TAF1: variants seen among roughly 807,000 people sequenced by gnomAD.
The protein encoded by TAF1 is TATA-box binding protein associated factor 1, also known as transcription initiation factor TFIID subunit 1.
A neutral mutation model predicts 138.5 loss-of-function variants in TAF1; 2 were observed. The ratio of observed to expected loss-of-function variants is 0.01; its 90% CI spans 0.01 to 0.05. The LOEUF is 0.05. Ranked by LOEUF, TAF1 falls within the 10% of genes least tolerant of loss-of-function variation. The pLI, the probability that TAF1 is intolerant of heterozygous loss-of-function variation, is 1.00. For missense variants in TAF1, 709 were observed against 1,478.0 expected, an observed-to-expected ratio of 0.48 and a Z score of 8.53; for synonymous variants, 437 against 503.2, an observed-to-expected ratio of 0.87 and a Z score of 1.76.
chrX:71,443,314 G>C (rs1296413410), intron 32 of TAF1, among the ~76,000 whole-genome samples: 2 of 111,937 alleles, frequency 1.8e-5, no homozygotes, highest in Non-Finnish European at 3.8e-5. Context: ...TCTTCCATTT[G>C]TTTGTGTCCT....
intron 13 of TAF1, among the ~76,000 whole-genome samples, chrX:71,507,069 G>C (rs766209081): frequency 1.3e-4 from 15 of 112,056 alleles, no homozygotes; most frequent in Non-Finnish European, 2.4e-4. Flanking sequence ...CCTTGTGGGA[G>C]GGAGGACTGG....
chrX:71,436,214 ATTTT>A (rs749919538), intron 32 of TAF1, among the ~76,000 whole-genome samples: 1 of 84,292 alleles, frequency 1.2e-5, no homozygotes, highest in Admixed American at 1.3e-4. Flanking sequence ...AGCCCGGCTA[ATTTT>A]TTTTTTTTTT....
At chrX:71,367,928 T>A (rs747998981) in intron 2 of TAF1, 126 bp from the exon 3 acceptor site, 85 of 752,843 alleles carry the variant, frequency 1.1e-4, no homozygotes, top group Non-Finnish European at 1.6e-4. Flanking sequence ...GGCTTGGCCT[T>A]CCAAAGTGCT....
chrX:71,529,492 C>G, intron 14 of TAF1: 1 of 228,111 alleles, frequency 4.4e-6, no homozygotes, highest in Non-Finnish European at 8.1e-6. Context: ...CCCCACCCAA[C>G]CCAGAAGTCC....
intron 29 of TAF1, among the ~76,000 whole-genome samples, chrX:71,421,858 G>A (rs2036360577): frequency 8.9e-6 from 1 of 112,291 alleles, no homozygotes; most frequent in South Asian, 3.7e-4. Context: ...AAAAGTGTAA[G>A]TATGAAGTAG....
At chrX:71,379,106 T>A in intron 8 of TAF1, 75 bp downstream of exon 8, 1 of 129,246 alleles carries the variant, frequency 7.7e-6, no homozygotes, top group Non-Finnish European at 1.2e-5. Context: ...TCAGCTGTGA[T>A]TTTTTTTTTT....
chrX:71,530,304 C>T (rs1233617321), exon 15 of TAF1: 1 of 111,808 alleles, frequency 8.9e-6, no homozygotes, highest in African/African-American at 3.3e-5. Context: ...CCTGGAGAGC[C>T]TGTGCGGCTG....
At chrX:71,407,524 T>C in intron 26 of TAF1, 50 bp from the exon 27 acceptor site, 2 of 1,115,991 alleles carry the variant, frequency 1.8e-6, no homozygotes, top group East Asian at 6.0e-5. Context: ...GGACAGAATG[T>C]GGATTTTTTT....
rs2033905505 is a variant in TAF1 at position 71,381,765 on chromosome X, T to C, written c.1383T>C (p.Asp461=). 8.3e-7 allele frequency: 1 copy of C among 1,210,562 alleles called. No individual in the cohort carries two copies. The highest frequency in any genetic ancestry group is 1.1e-6 in the Non-Finnish European group (1 of 894,847). The change falls in exon 9 of 38, where the codon GAT becomes GAC. Residue 461 remains aspartate, a synonymous_variant. Coordinates refer to ENST00000423759, the MANE Select transcript of TAF1 (RefSeq NM_004606.5). ...TAGGTTTTGCAGCCACTCTTGATGA[T>C]GACAAACCTTGGTACTCCATTTTTC... ...VQQGFAATLD[D]DKPWYSIFPI...
intron 13 of TAF1, among the ~76,000 whole-genome samples, chrX:71,474,059 C>G (rs184153147): frequency 8.1e-5 from 9 of 110,568 alleles, no homozygotes; most frequent in Non-Finnish European, 1.3e-4. Context: ...GTATGAGAAT[C>G]GCTTGAAACC....
Position 71,441,575 on chromosome X carries a change from C to CAT in TAF1, c.4754-12594_4754-12593dup, listed in dbSNP as rs2037423838. 1.3e-5 allele frequency: 3 copies of CAT among 229,967 alleles called. No individual in the cohort carries two copies. The Admixed American group carries it at 2.0e-4, about 15-fold the overall frequency. The allele number at this position is 229,967 out of a possible 1,213,427, so 19.0% of individuals were successfully genotyped here. A position where few individuals can be genotyped will look rare whatever the true frequency, so the allele number is the denominator to read the frequency against. Reference sequence around the variant, plus strand: ...ATTTTTTTGTGTTGAGAATGTGCAACATCCTTCTAGCTATTTGAAACTATA... The same window carrying CAT: ...ATTTTTTTGTGTTGAGAATGTGCAACATATCCTTCTAGCTATTTGAAACTATA... On this transcript the variant is annotated intron_variant, in intron 32 of 37. Transcript: ENST00000423759.
intron 13 of TAF1, among the ~76,000 whole-genome samples, chrX:71,504,557 T>C (rs2039581390): frequency 9.3e-6 from 1 of 107,150 alleles, no homozygotes; most frequent in African/African-American, 3.4e-5. Context: ...AGTTGGCTGA[T>C]GTCAAAATGC....
intron 17 of TAF1, 152 bp from the exon 18 acceptor site, chrX:71,389,433 G>T: frequency 2.2e-6 from 1 of 458,913 alleles, no homozygotes; most frequent in South Asian, 3.5e-5. Flanking sequence ...ATAGCTTAAG[G>T]ATGTGCCGTG....
At chrX:71,491,896 A>G (rs1049806224) in intron 13 of TAF1, 2 of 110,665 alleles carry the variant, frequency 1.8e-5, no homozygotes, top group Non-Finnish European at 3.8e-5. Flanking sequence ...CGATCTCCTG[A>G]CCTCGTGATC....
At position 71,415,128 on chromosome X, in the gene TAF1, C is replaced by CTTTTTT. The variant is rs1158533765; in HGVS notation, c.4385-6157_4385-6152dup. On this transcript the variant is annotated intron_variant, in intron 28 of 37. Coordinates refer to ENST00000423759, the MANE Select transcript of TAF1 (RefSeq NM_004606.5). ...CTTTGTGAACTTGGGAAAGTTTTGT[C>CTTTTTT]TTTTTTTTTTTTTTTTTTTTTTTTT... is the stretch of plus-strand genomic sequence containing the variant. Among the ~76,000 whole-genome samples the CTTTTTT allele has an allele frequency of 1.9e-3, 98 of 51,622 alleles. 2 individuals are homozygous for CTTTTTT. Among genetic ancestry groups the CTTTTTT allele is most frequent in the African/African-American group, 5.8e-3 (73 of 12,528 alleles). The allele number at this position is 51,622 out of a possible 115,157, so 44.8% of individuals were successfully genotyped here. A position where few individuals can be genotyped will look rare whatever the true frequency, so the allele number is the denominator to read the frequency against.
intron 25 of TAF1, among the ~76,000 whole-genome samples, chrX:71,402,738 C>A (rs1242587594): frequency 2.7e-5 from 3 of 112,046 alleles, no homozygotes; most frequent in African/African-American, 9.7e-5. Flanking sequence ...CCTCTAAATT[C>A]ACTAATTGTT....
intron 13 of TAF1, among the ~76,000 whole-genome samples, chrX:71,524,295 G>T (rs1168623996): frequency 9.1e-6 from 1 of 110,487 alleles, no homozygotes; most frequent in African/African-American, 3.3e-5. Context: ...GCCTCCCAAA[G>T]TGCTGGGATG....
intron 23 of TAF1, among the ~76,000 whole-genome samples, chrX:71,398,045 C>T (rs1286402185): frequency 8.9e-6 from 1 of 111,770 alleles, no homozygotes; most frequent in Non-Finnish European, 1.9e-5. Flanking sequence ...TTGCAAAAAT[C>T]TTAGAGATTA....
At chrX:71,406,833 T>C in intron 26 of TAF1, 87 bp downstream of exon 26, 1 of 711,814 alleles carries the variant, frequency 1.4e-6, no homozygotes, top group Non-Finnish European at 2.1e-6. Flanking sequence ...AGCCTTAGAT[T>C]CTCCAGTTGC....
Sources: allele counts gnomAD v4.1 joint callset (sites outside exome capture counted in the v4.1 genomes callset), GRCh38; gene constraint gnomAD v4.1.1; transcripts MANE v1.5; gene names NCBI Gene and HGNC (gene_info 2026-07-23, HGNC 2026-07-21).